HS2ST1: variants seen among roughly 807,000 people sequenced by gnomAD.
HS2ST1 encodes the protein 2-O-sulfotransferase.
A neutral mutation model predicts 42.9 loss-of-function variants in HS2ST1; 18 were observed. That is an observed-to-expected ratio of 0.42 (90% CI 0.29 to 0.62). HS2ST1 has a LOEUF of 0.62. Ranked by LOEUF, HS2ST1 falls within the 20% of genes least tolerant of loss-of-function variation. The pLI is 0.21. For synonymous variants in HS2ST1, 146 were observed against 152.9 expected (o/e 0.95, Z 0.33); for missense variants, 334 against 433.8 (o/e 0.77, Z 2.04).
Position 87,108,272 on chromosome 1 carries a change from A to C in HS2ST1, c.*3576A>C, listed in dbSNP as rs1387924885. On this transcript the variant is annotated 3_prime_UTR_variant, in exon 7 of 7. Transcript: ENST00000370550. ...TTAATTTAAATTCAAATCTACATAGAGAACATCTGTGTAAATCATCTAACT... is the reference window on the plus strand; with the variant it reads ...TTAATTTAAATTCAAATCTACATAGCGAACATCTGTGTAAATCATCTAACT... 6.6e-6 allele frequency: 1 copy of C among 152,130 alleles called. No individual in the cohort carries two copies. Among genetic ancestry groups the C allele is most frequent in the Non-Finnish European group, 1.5e-5 (1 of 67,978 alleles). 9.4% of individuals were successfully genotyped at this position (152,130 alleles called of 1,614,324 possible).
intron 1 of HS2ST1, among the ~76,000 whole-genome samples, chr1:87,047,666 G>A (rs1394168816): frequency 6.6e-6 from 1 of 152,092 alleles, no homozygotes; most frequent in Non-Finnish European, 1.5e-5. Flanking sequence ...TGTTGAAGAG[G>A]TGATCATTTT....
chr1:86,996,414 C>T (rs1166759964), intron 1 of HS2ST1, among the ~76,000 whole-genome samples: 2 of 144,454 alleles, frequency 1.4e-5, no homozygotes, highest in Non-Finnish European at 3.0e-5. Context: ...TGCACTCCAG[C>T]CTGGGCAACA....
At chr1:87,104,387 C>T in intron 6 of HS2ST1, 83 bp from the exon 7 acceptor site, 15 of 846,294 alleles carry the variant, frequency 1.8e-5, no homozygotes, top group Non-Finnish European at 2.7e-5. Context: ...ATATTAACCA[C>T]CTCTTCAAAT....
chr1:87,043,748 C>G (rs1650574662), intron 1 of HS2ST1, among the ~76,000 whole-genome samples: 1 of 152,028 alleles, frequency 6.6e-6, no homozygotes, highest in Non-Finnish European at 1.5e-5. Context: ...CTAAATATAT[C>G]AAGCCTTTCC....
intron 1 of HS2ST1, among the ~76,000 whole-genome samples, chr1:86,934,170 G>A (rs188652162): frequency 1.3e-5 from 2 of 152,278 alleles, no homozygotes; most frequent in East Asian, 3.9e-4. Context: ...CTTCCCACAA[G>A]TTGGTTAGTT....
intron 1 of HS2ST1, among the ~76,000 whole-genome samples, chr1:87,043,378 A>G (rs1363135206): frequency 6.6e-6 from 1 of 152,150 alleles, no homozygotes; most frequent in Non-Finnish European, 1.5e-5. Context: ...GTGGCTCTAA[A>G]TTAAGCCTTT....
At chr1:87,029,311 A>G (rs2100594161) in intron 1 of HS2ST1, among the ~76,000 whole-genome samples, 1 of 152,272 alleles carries the variant, frequency 6.6e-6, no homozygotes, top group African/African-American at 2.4e-5. Flanking sequence ...CTTTTTTTGC[A>G]TTAGAATTTC....
At chr1:87,038,269 G>A (rs1557523836) in intron 1 of HS2ST1, among the ~76,000 whole-genome samples, 1 of 151,916 alleles carries the variant, frequency 6.6e-6, no homozygotes, top group Non-Finnish European at 1.5e-5. Context: ...TGCACAGATG[G>A]GCAAAGTCTA....
chr1:87,004,040 T>C (rs1649364661), intron 1 of HS2ST1, among the ~76,000 whole-genome samples: 1 of 29,140 alleles, frequency 3.4e-5, no homozygotes, highest in Non-Finnish European at 9.7e-5. Flanking sequence ...AAAATGTTTA[T>C]GCCACCAAAC....
chr1:87,077,916 A>G (rs1269467388), intron 2 of HS2ST1, among the ~76,000 whole-genome samples: 1 of 152,194 alleles, frequency 6.6e-6, no homozygotes, highest in Admixed American at 6.5e-5. Context: ...TGAACAGCAC[A>G]GCTCTGAACT....
chr1:87,075,368 T>C (rs1246700478), intron 2 of HS2ST1, among the ~76,000 whole-genome samples: 1 of 152,034 alleles, frequency 6.6e-6, no homozygotes, highest in Non-Finnish European at 1.5e-5. Flanking sequence ...AGTCTCACCG[T>C]GTTAGTCAGG....
rs147214507 is a variant in HS2ST1 at position 87,084,301 on chromosome 1, C to T, written c.449+22C>T. ...CAAAGTAAGTTACACTGAAATGACA[C>T]GCTAAAGAATGCTTTGTACTCTAGT... On this transcript the variant is annotated intron_variant, in intron 3 of 6. Coordinates refer to ENST00000370550, the MANE Select transcript of HS2ST1 (RefSeq NM_012262.4). 2.5e-4 allele frequency: 340 copies of T among 1,343,754 alleles called. No homozygotes were observed. In the East Asian group the frequency reaches 2.6e-3, roughly 10 times the overall value. 83.2% of individuals were successfully genotyped at this position (1,343,754 alleles called of 1,614,324 possible).
chr1:86,973,118 G>T (rs1041098445), intron 1 of HS2ST1, among the ~76,000 whole-genome samples: 2 of 152,042 alleles, frequency 1.3e-5, no homozygotes, highest in Admixed American at 1.3e-4. Flanking sequence ...CTTTCCATTT[G>T]CAGTTAATAC....
At chr1:87,089,183 C>T (rs1361974609) in intron 3 of HS2ST1, among the ~76,000 whole-genome samples, 5 of 151,984 alleles carry the variant, frequency 3.3e-5, no homozygotes, top group Non-Finnish European at 7.4e-5. Context: ...ATACTGTTCA[C>T]TTGATAGGCT....
intron 1 of HS2ST1, among the ~76,000 whole-genome samples, chr1:87,017,232 G>A (rs1401862371): frequency 1.3e-5 from 2 of 152,068 alleles, no homozygotes; most frequent in East Asian, 3.9e-4. Flanking sequence ...CGCCTCCCAG[G>A]TTCAAGCGAT....
At chr1:86,932,560 ATTGAT>A (rs1409579942) in intron 1 of HS2ST1, 1 of 152,180 alleles carries the variant, frequency 6.6e-6, no homozygotes, top group African/African-American at 2.4e-5. Context: ...GATCAAATAC[ATTGAT>A]TTGTTATTTG....
intron 1 of HS2ST1, among the ~76,000 whole-genome samples, chr1:87,027,425 CTGAA>C: frequency 6.6e-6 from 1 of 152,256 alleles, no homozygotes; most frequent in East Asian, 1.9e-4. Flanking sequence ...TTTTAGAAAT[CTGAA>C]TGAGAACTCA....
intron 1 of HS2ST1, among the ~76,000 whole-genome samples, chr1:87,006,650 A>G (rs1649444319): frequency 6.6e-6 from 1 of 152,160 alleles, no homozygotes. Context: ...TCCATTATAC[A>G]TGAAATTATT....
chr1:86,994,814 A>G (rs1300036096), intron 1 of HS2ST1, among the ~76,000 whole-genome samples: 1 of 152,166 alleles, frequency 6.6e-6, no homozygotes, highest in Non-Finnish European at 1.5e-5. Flanking sequence ...TCGACCAAGT[A>G]TCTTCATTTA....
Sources: allele counts gnomAD v4.1 joint callset (sites outside exome capture counted in the v4.1 genomes callset), GRCh38; gene constraint gnomAD v4.1.1; transcripts MANE v1.5; gene names NCBI Gene and HGNC (gene_info 2026-07-23, HGNC 2026-07-21).